Variants in FAT4 observed in about 807,000 individuals in gnomAD.
The protein encoded by FAT4 is FAT atypical cadherin 4.
A neutral mutation model predicts 303.9 loss-of-function variants in FAT4; 84 were observed. The ratio of observed to expected loss-of-function variants is 0.28; its 90% CI spans 0.23 to 0.33. The LOEUF is 0.33. Ranked by LOEUF, FAT4 falls within the 10% of genes least tolerant of loss-of-function variation. The probability of loss-of-function intolerance (pLI) is 1.00; values close to 1 mark genes in which losing one functional copy is unlikely to be tolerated. For missense variants in FAT4, 6,005 were observed against 6,146.8 expected (o/e 0.98, Z 0.77); for synonymous variants, 2,307 against 2,298.8 (o/e 1.00, Z -0.10).
At chr4:125,330,286 C>A (rs1731329455) in intron 2 of FAT4, among the ~76,000 whole-genome samples, 1 of 152,132 alleles carries the variant, frequency 6.6e-6, no homozygotes, top group African/African-American at 2.4e-5. Context: ...TTGTAACTAT[C>A]CCCTCATGCT....
intron 2 of FAT4, among the ~76,000 whole-genome samples, chr4:125,366,201 A>C (rs1732881496): frequency 6.6e-6 from 1 of 152,014 alleles, no homozygotes; most frequent in Admixed American, 6.6e-5. Context: ...CCCAGGTATT[A>C]ATTAAGGCTA....
chr4:125,464,053 C>CA (rs1229134831), intron 11 of FAT4, among the ~76,000 whole-genome samples: 1 of 151,960 alleles, frequency 6.6e-6, no homozygotes, highest in Non-Finnish European at 1.5e-5. Flanking sequence ...GTTTGTTTCA[C>CA]TTTTGTGAAT....
At chr4:125,385,393 G>GCATATTTAA (rs1318799558) in intron 2 of FAT4, among the ~76,000 whole-genome samples, 1 of 152,038 alleles carries the variant, frequency 6.6e-6, no homozygotes, top group East Asian at 1.9e-4. Context: ...ATTTTAGTGT[G>GCATATTTAA]CATATTTAAA....
At chr4:125,423,558 A>G (rs1451288305) in intron 7 of FAT4, among the ~76,000 whole-genome samples, 1 of 152,186 alleles carries the variant, frequency 6.6e-6, no homozygotes, top group Non-Finnish European at 1.5e-5. Context: ...AAATTTATAC[A>G]TTGTTTAAAT....
At chr4:125,428,213 G>A (rs929791129) in intron 7 of FAT4, among the ~76,000 whole-genome samples, 3 of 152,002 alleles carry the variant, frequency 2.0e-5, no homozygotes, top group Non-Finnish European at 4.4e-5. Flanking sequence ...CAGGAGAATC[G>A]CTTGAACCCG....
chr4:125,471,895 C>CACAAA (rs1726871198), intron 12 of FAT4, among the ~76,000 whole-genome samples: 1 of 56,108 alleles, frequency 1.8e-5, no homozygotes, highest in Non-Finnish European at 3.0e-5. Context: ...ACTAAAAATA[C>CACAAA]AAAAAAAAAA....
In FAT4 at chr4:125,319,084, C is replaced by T; in HGVS notation, c.2673C>T (p.Pro891=). The part of the protein sequence containing the change: ...ITVKDLNDNS[P]HFLQAIESVN... ...TTAAGGATTTGAATGACAACTCTCC[C>T]CATTTCCTTCAGGCAATAGAGAGTG... The change falls in exon 2 of 18, where the codon CCC becomes CCT. Residue 891 remains proline, a synonymous_variant. Transcript: ENST00000394329. The T allele has an allele frequency of 6.2e-7, 1 of 1,614,104 alleles. No individual in the cohort carries two copies. The highest frequency in any genetic ancestry group is 8.5e-7 in the Non-Finnish European group (1 of 1,180,014).
intron 11 of FAT4, among the ~76,000 whole-genome samples, chr4:125,464,721 A>G (rs1457435643): frequency 6.6e-5 from 10 of 151,748 alleles, no homozygotes; most frequent in Admixed American, 5.9e-4. Flanking sequence ...CCTGTGTCCA[A>G]GTGTTCTCAT....
In FAT4 at chr4:125,318,639, G is replaced by C. The variant is rs1730759847; in HGVS notation, c.2228G>C (p.Gly743Ala). The C allele has an allele frequency of 1.2e-6, 2 of 1,613,868 alleles. No homozygotes were observed. The highest frequency in any genetic ancestry group is 2.2e-5 in the South Asian group (2 of 91,068). The change falls in exon 2 of 18, where the codon GGG (glycine) becomes GCG (alanine). Residue 743 changes from glycine (G) to alanine (A), a missense_variant. Physicochemically the swap from Gly to Ala is moderately conservative, Grantham distance 60 (BLOSUM62 0). Transcript: ENST00000394329. ...RSRFQVNAQS[G>A]VISTRMALDR... ...CGGTTTCAGGTCAATGCTCAGAGTG[G>C]GGTTATTTCTACAAGAATGGCCCTA...
chr4:125,323,854 C>T (rs955044159), intron 2 of FAT4, among the ~76,000 whole-genome samples: 3 of 152,152 alleles, frequency 2.0e-5, no homozygotes, highest in Non-Finnish European at 2.9e-5. Flanking sequence ...TTCATGTACA[C>T]TGATAAGAGT....
At chr4:125,357,734 G>T (rs901133703) in intron 2 of FAT4, among the ~76,000 whole-genome samples, 1 of 152,080 alleles carries the variant, frequency 6.6e-6, no homozygotes, top group African/African-American at 2.4e-5. Flanking sequence ...CATGTGCTTT[G>T]TGAATATGTT....
rs553055506 is a variant in FAT4, at chr4:125,315,268, C to A, written c.-722C>A. On this transcript the variant is annotated 5_prime_UTR_variant, in exon 1 of 18. Coordinates refer to ENST00000394329, the MANE Select transcript of FAT4 (RefSeq NM_001291303.3). ...GGAGGGCGTCACTACAGCCCAGCGC[C>A]GACTTCGCCGCCTCCGCTGCCAACT... Among the ~76,000 whole-genome samples, 1 of 152,222 alleles carries A rather than the reference C, an allele frequency of 6.6e-6. No homozygotes were observed. The highest frequency in any genetic ancestry group is 2.4e-5 in the African/African-American group (1 of 41,546).
chr4:125,442,479 G>A (rs1306543026), intron 8 of FAT4, among the ~76,000 whole-genome samples: 1 of 151,946 alleles, frequency 6.6e-6, no homozygotes, highest in Non-Finnish European at 1.5e-5. Context: ...AATCTAAAAT[G>A]CACCAAAATC....
chr4:125,407,797 A>G (rs1560803586), intron 4 of FAT4, among the ~76,000 whole-genome samples: 1 of 152,008 alleles, frequency 6.6e-6, no homozygotes, highest in Non-Finnish European at 1.5e-5. Flanking sequence ...GTGTGTGTGT[A>G]TGCTTCATTC....
At chr4:125,399,250 C>T (rs1353770701) in intron 3 of FAT4, among the ~76,000 whole-genome samples, 1 of 151,756 alleles carries the variant, frequency 6.6e-6, no homozygotes, top group Non-Finnish European at 1.5e-5. Flanking sequence ...CTTATAGCAG[C>T]TAAGGATTGG....
At chr4:125,474,395 A>T (rs1726959470) in intron 12 of FAT4, among the ~76,000 whole-genome samples, 1 of 152,028 alleles carries the variant, frequency 6.6e-6, no homozygotes, top group South Asian at 2.1e-4. Flanking sequence ...TGCTTTTGAG[A>T]TTGGATGTCA....
rs1725935360 is a variant in FAT4 at position 125,449,051 on chromosome 4, T to C, written c.8041T>C (p.Leu2681=). The change falls in exon 10 of 18, where the codon TTG becomes CTG. Residue 2681 remains leucine, a synonymous_variant. Transcript: ENST00000394329. ...GGAAGACCCATTTATATCTGAAATA[T>C]TGGAAAACCTTTCCCCTCGAAAAAT... ...FKEDPFISEI[L]ENLSPRKILT... 3 of 1,613,918 alleles carry C rather than the reference T, an allele frequency of 1.9e-6. No homozygotes were observed. The highest frequency in any genetic ancestry group is 2.5e-6 in the Non-Finnish European group (3 of 1,179,890).
intron 2 of FAT4, among the ~76,000 whole-genome samples, chr4:125,387,827 A>G (rs528719626): frequency 6.6e-6 from 1 of 152,232 alleles, no homozygotes; most frequent in East Asian, 1.9e-4. Flanking sequence ...ACATGGAAAC[A>G]AAGTAAAATA....
chr4:125,396,659 C>T (rs980147701), intron 2 of FAT4, among the ~76,000 whole-genome samples: 6 of 152,094 alleles, frequency 3.9e-5, no homozygotes, highest in East Asian at 1.9e-4. Flanking sequence ...TGCACACACA[C>T]ACACCCCTAG....
Sources: allele counts gnomAD v4.1 joint callset (sites outside exome capture counted in the v4.1 genomes callset), GRCh38; gene constraint gnomAD v4.1.1; transcripts MANE v1.5; gene names NCBI Gene and HGNC (gene_info 2026-07-23, HGNC 2026-07-21).